CD1D: variants seen among roughly 807,000 people sequenced by gnomAD.
The protein encoded by CD1D is CD1d molecule.
In CD1D, 40 loss-of-function variants were observed where a neutral mutation model predicts 42.1. That is an observed-to-expected ratio of 0.95 (90% CI 0.74 to 1.24). The LOEUF is 1.24. Ranked by LOEUF, CD1D falls within the 50% of genes most tolerant of loss-of-function variation. The pLI is 0.00. For synonymous variants in CD1D, 178 were observed against 171.8 expected, an observed-to-expected ratio of 1.04 and a Z score of -0.28; for missense variants, 437 against 416.5, an observed-to-expected ratio of 1.05 and a Z score of -0.43.
rs1275318825 is a variant in CD1D at position 158,185,970 on chromosome 1, TAGTC to T, written c.*1823_*1826del. 2.0e-5 allele frequency among the ~76,000 whole-genome samples: 3 copies of T among 152,172 alleles called. No homozygotes were observed. Among genetic ancestry groups the T allele is most frequent in the Non-Finnish European group, 2.9e-5 (2 of 68,026 alleles). On this transcript the variant is annotated 3_prime_UTR_variant, in exon 6 of 6. Coordinates refer to ENST00000674085, the MANE Select transcript of CD1D (RefSeq NM_001371762.2). The stretch of plus-strand genomic sequence containing the variant: ...AGTGAAAAGGACATTGGCCTGGCGT[TAGTC>T]AGGGAAGGCGTCCTGGAGGGAGGGG...
chr1:158,183,428 A>G (rs1395397375), intron 4 of CD1D, among the ~76,000 whole-genome samples: 1 of 152,184 alleles, frequency 6.6e-6, no homozygotes, highest in African/African-American at 2.4e-5. Flanking sequence ...CGAATAAACA[A>G]TCCCAGGACG....
At position 158,185,808 on chromosome 1, in the gene CD1D, C is replaced by T. The variant is rs941658443; in HGVS notation, c.*1658C>T. Reference sequence around the variant, plus strand: ...ATTGTTTTGGGCCTCATCCTATACCCGCTGAATGAGAAACTCTGAGTCTGG... The same window carrying T: ...ATTGTTTTGGGCCTCATCCTATACCTGCTGAATGAGAAACTCTGAGTCTGG... On this transcript the variant is annotated 3_prime_UTR_variant, in exon 6 of 6. Coordinates refer to ENST00000674085, the MANE Select transcript of CD1D (RefSeq NM_001371762.2). 6.6e-6 allele frequency among the ~76,000 whole-genome samples: 1 copy of T among 152,182 alleles called. No homozygotes were observed. The highest frequency in any genetic ancestry group is 1.5e-5 in the Non-Finnish European group (1 of 68,028).
chr1:158,181,398 A>T, intron 1 of CD1D, 57 bp from the exon 2 acceptor site: 4 of 1,597,738 alleles, frequency 2.5e-6, no homozygotes, highest in Non-Finnish European at 2.6e-6. Context: ...CCTTCTCTTT[A>T]TGCTGGCTGC....
At chr1:158,180,149 G>A (rs1648324975), upstream of CD1D, 1 of 152,266 alleles carries the variant, frequency 6.6e-6, no homozygotes, top group Non-Finnish European at 1.5e-5. Context: ...CCAAAGAGGA[G>A]TCTTTTCCTC....
rs1190255994 is a variant in CD1D, at chr1:158,184,208, A to G, written c.*58A>G. On this transcript the variant is annotated 3_prime_UTR_variant, in exon 6 of 6. Coordinates refer to ENST00000674085, the MANE Select transcript of CD1D (RefSeq NM_001371762.2). ...AGGACCTCTGGACCTCAGGTTCCTA[A>G]GACTTCAGTCCTGGTCTGCTCAGGA... The G allele has an allele frequency of 2.6e-6, 4 of 1,546,892 alleles. No homozygotes were observed. The African/African-American group carries it at 5.4e-5, about 21-fold the overall frequency.
chr1:158,183,663 G>A (rs538094789), intron 4 of CD1D, among the ~76,000 whole-genome samples: 23 of 152,346 alleles, frequency 1.5e-4, no homozygotes, highest in African/African-American at 4.1e-4. Context: ...GAAAGTGGAC[G>A]GGCTGGATTT....
chr1:158,178,074 AGAG>A (rs1339435164), upstream of CD1D, among the ~76,000 whole-genome samples: 1 of 152,192 alleles, frequency 6.6e-6, no homozygotes, highest in Admixed American at 6.5e-5. Flanking sequence ...GAGAGGTAAG[AGAG>A]CTATCACAAG....
chr1:158,179,731 G>A (rs913390216), upstream of CD1D, among the ~76,000 whole-genome samples: 8 of 152,180 alleles, frequency 5.3e-5, no homozygotes, highest in Non-Finnish European at 8.8e-5. Context: ...ACTAGGCATT[G>A]GGAGGGGGTG....
chr1:158,181,557 C>A lies in CD1D; in HGVS notation c.164C>A (p.Thr55Lys). Residue 55 changes from threonine to lysine, a missense_variant, in exon 2 of 6, where the codon ACG becomes AAG. Coordinates refer to ENST00000674085, the MANE Select transcript of CD1D (RefSeq NM_001371762.2). ...DGLAWLGELQ[T>K]HSWSNDSDTV... ...TTGGCGTGGCTGGGGGAGCTGCAGACGCACAGCTGGAGCAACGACTCGGAC... is the reference window on the plus strand; with the variant it reads ...TTGGCGTGGCTGGGGGAGCTGCAGAAGCACAGCTGGAGCAACGACTCGGAC... 6.2e-7 allele frequency: 1 copy of A among 1,614,166 alleles called. No individual in the cohort carries two copies. Among genetic ancestry groups the A allele is most frequent in the South Asian group, 1.1e-5 (1 of 91,084 alleles).
In CD1D at chr1:158,181,515, G is replaced by C. The variant is rs150689409; in HGVS notation, c.122G>C (p.Trp41Ser). 1.2e-4 allele frequency: 197 copies of C among 1,614,156 alleles called. 1 individual carries two copies. The African/African-American group carries it at 2.5e-3, about 20-fold the overall frequency. Residue 41 changes from tryptophan (W) to serine (S), a missense_variant, in exon 2 of 6, where the codon TGG (tryptophan) becomes TCG (serine). Physicochemically the swap from Trp to Ser is radical, Grantham distance 177. Coordinates refer to ENST00000674085, the MANE Select transcript of CD1D (RefSeq NM_001371762.2). ...LQISSFANSSWTRTDGLAWLG... is the reference protein window; with the variant it reads ...LQISSFANSSSTRTDGLAWLG... ...ATCTCGTCCTTCGCCAATAGCAGCTGGACGCGCACCGACGGCTTGGCGTGG... is the reference window on the plus strand; with the variant it reads ...ATCTCGTCCTTCGCCAATAGCAGCTCGACGCGCACCGACGGCTTGGCGTGG...
chr1:158,186,069 G>A lies in CD1D; in HGVS notation c.*1919G>A, dbSNP rs1225398635. On this transcript the variant is annotated 3_prime_UTR_variant, in exon 6 of 6. Coordinates refer to ENST00000674085, the MANE Select transcript of CD1D (RefSeq NM_001371762.2). ...AGCAAGTGCACTGGCTGAGGGGACT[G>A]GAGTTCTAGCCTCTGAACCAGTTTC... Among the ~76,000 whole-genome samples the A allele has an allele frequency of 1.3e-5, 2 of 152,196 alleles. No individual in the cohort carries two copies. Among genetic ancestry groups the A allele is most frequent in the Non-Finnish European group, 2.9e-5 (2 of 68,036 alleles).
At chr1:158,179,014 C>CCACACA (rs3065146), upstream of CD1D, among the ~76,000 whole-genome samples, 4 of 151,222 alleles carry the variant, frequency 2.6e-5, no homozygotes, top group East Asian at 2.0e-4. Context: ...AACAAAAAAA[C>CCACACA]CACACACACA....
rs1346675155 is a variant in CD1D, at chr1:158,185,984, G to A, written c.*1834G>A. ...TGGCCTGGCGTTAGTCAGGGAAGGC[G>A]TCCTGGAGGGAGGGGAATTTGAAGC... On this transcript the variant is annotated 3_prime_UTR_variant, in exon 6 of 6. Coordinates refer to ENST00000674085, the MANE Select transcript of CD1D (RefSeq NM_001371762.2). 2.6e-5 allele frequency among the ~76,000 whole-genome samples: 4 copies of A among 152,190 alleles called. No homozygotes were observed. The highest frequency in any genetic ancestry group is 4.8e-5 in the African/African-American group (2 of 41,454).
rs531897145 is a variant in CD1D at position 158,185,265 on chromosome 1, G to C, written c.*1115G>C. On this transcript the variant is annotated 3_prime_UTR_variant, in exon 6 of 6. Transcript: ENST00000674085. Reference sequence around the variant, plus strand: ...GGGAGGTAAATCTCTTGGCAGTCAGGGTCCCTGAACACCCAGAAAAAATAA... The same window carrying C: ...GGGAGGTAAATCTCTTGGCAGTCAGCGTCCCTGAACACCCAGAAAAAATAA... Among the ~76,000 whole-genome samples the C allele has an allele frequency of 6.6e-6, 1 of 152,276 alleles. No individual in the cohort carries two copies. The highest frequency in any genetic ancestry group is 2.1e-4 in the South Asian group (1 of 4,824).
chr1:158,182,299 T>C lies in CD1D; in HGVS notation c.596T>C (p.Leu199Pro). The C allele has an allele frequency of 6.2e-7, 1 of 1,614,138 alleles. No individual in the cohort carries two copies. Among genetic ancestry groups the C allele is most frequent in the Non-Finnish European group, 8.5e-7 (1 of 1,180,016 alleles). The change falls in exon 3 of 6, where the codon CTG (leucine) becomes CCG (proline). Residue 199 changes from leucine to proline, a missense_variant. Transcript: ENST00000674085. Reference sequence around the variant, plus strand: ...CTCCTTGAGTCAGGGAAGTCGGAACTGAAGAAGCAAGGTCAGCCTGCCTTC... The same window carrying C: ...CTCCTTGAGTCAGGGAAGTCGGAACCGAAGAAGCAAGGTCAGCCTGCCTTC... ...SGLLESGKSE[L>P]KKQVKPKAWL...
Position 158,181,459 on chromosome 1 carries a change from G to T in CD1D, c.66G>T (p.Pro22=). 1 of 1,613,640 alleles carries T rather than the reference G, an allele frequency of 6.2e-7. No individual in the cohort carries two copies. Among genetic ancestry groups the T allele is most frequent in the East Asian group, 2.2e-5 (1 of 44,822 alleles). Reference sequence around the variant, plus strand: ...CCAATCTTCATTCTCTCCCAGTCCCGCAAAGGCTTTTCCCCCTCCGCTGCC... The same window carrying T: ...CCAATCTTCATTCTCTCCCAGTCCCTCAAAGGCTTTTCCCCCTCCGCTGCC... ...LLQAWGSAEV[P]QRLFPLRCLQ... Residue 22 remains proline, a synonymous_variant, in exon 2 of 6, where the codon CCG becomes CCT. Transcript: ENST00000674085.
At chr1:158,182,475 C>A (rs1238823640) in intron 3 of CD1D, 165 bp downstream of exon 3, 4 of 726,382 alleles carry the variant, frequency 5.5e-6, no homozygotes, top group Middle Eastern at 2.4e-4. Context: ...AACTGAGCAC[C>A]TCTTGGGTTC....
At chr1:158,182,751 A>G in intron 3 of CD1D, 127 bp from the exon 4 acceptor site, 23 of 1,120,972 alleles carry the variant, frequency 2.1e-5, no homozygotes, top group Non-Finnish European at 2.9e-5. Flanking sequence ...CCAGAAGTGA[A>G]CATGTCAGGG....
rs976579301 is a variant in CD1D, at chr1:158,184,421, T to G, written c.*271T>G. The G allele has an allele frequency of 1.9e-6, 1 of 529,126 alleles. No individual in the cohort carries two copies. The highest frequency in any genetic ancestry group is 3.4e-6 in the Non-Finnish European group (1 of 296,954). The allele number at this position is 529,126 out of a possible 1,614,324, so 32.8% of individuals were successfully genotyped here. Reference sequence around the variant, plus strand: ...TCAGAAGTGCAAAGGTGTGCAAACTTGTATCTGAAGACCTACCAGGGACAA... The same window carrying G: ...TCAGAAGTGCAAAGGTGTGCAAACTGGTATCTGAAGACCTACCAGGGACAA... On this transcript the variant is annotated 3_prime_UTR_variant, in exon 6 of 6. Coordinates refer to ENST00000674085, the MANE Select transcript of CD1D (RefSeq NM_001371762.2).
Sources: allele counts gnomAD v4.1 joint callset (sites outside exome capture counted in the v4.1 genomes callset), GRCh38; gene constraint gnomAD v4.1.1; transcripts MANE v1.5; gene names NCBI Gene and HGNC (gene_info 2026-07-23, HGNC 2026-07-21).